The following ARHGAP24 variants were observed in gnomAD, a reference collection of about 807,000 sequenced individuals.
ARHGAP24 encodes the protein Rho GTPase activating protein 24.
Under a neutral mutation model 76.4 loss-of-function variants are expected in ARHGAP24, and 50 were observed. That is an observed-to-expected ratio of 0.65 (90% confidence interval 0.52 to 0.83). The LOEUF is 0.83. Among genes scored for constraint, ARHGAP24 ranks in the 40% least tolerant of loss-of-function variants. The pLI, the probability that ARHGAP24 is intolerant of heterozygous loss-of-function variation, is 0.00. For missense variants in ARHGAP24, 930 were observed against 914.2 expected (o/e 1.02, Z -0.22); for synonymous variants, 345 against 323.3 (o/e 1.07, Z -0.72).
At chr4:85,592,051 A>G (rs1015142707) in intron 2 of ARHGAP24, among the ~76,000 whole-genome samples, 1 of 152,096 alleles carries the variant, frequency 6.6e-6, no homozygotes, top group African/African-American at 2.4e-5. Context: ...CTTGGGCTGG[A>G]TTTGTCAGAT....
chr4:85,733,060 C>CTTTTTTTATTTTTTTTTTTTTTTTTT (rs1725470913), intron 3 of ARHGAP24, among the ~76,000 whole-genome samples: 1 of 55,206 alleles, frequency 1.8e-5, no homozygotes, highest in Admixed American at 3.9e-4. Flanking sequence ...GCCTCACCAA[C>CTTTTTTTATTTTTTTTTTTTTTTTTT]TTTTTTTTTT....
chr4:85,536,017 G>A (rs761406203), intron 1 of ARHGAP24, among the ~76,000 whole-genome samples: 1 of 152,024 alleles, frequency 6.6e-6, no homozygotes, highest in Admixed American at 6.6e-5. Flanking sequence ...TACATCGCTG[G>A]TGTTTAACTT....
chr4:85,814,100 T>TG (rs1252830062), intron 3 of ARHGAP24, among the ~76,000 whole-genome samples: 1 of 151,952 alleles, frequency 6.6e-6, no homozygotes, highest in Non-Finnish European at 1.5e-5. Context: ...GAGAACAGCA[T>TG]GGGGGAAACC....
At chr4:85,735,188 A>C (rs1725560375) in intron 3 of ARHGAP24, among the ~76,000 whole-genome samples, 1 of 152,194 alleles carries the variant, frequency 6.6e-6, no homozygotes, top group Non-Finnish European at 1.5e-5. Flanking sequence ...TTCATTTAAA[A>C]AGCAAATGAA....
At chr4:85,750,369 T>C (rs550828473) in intron 3 of ARHGAP24, among the ~76,000 whole-genome samples, 22 of 151,806 alleles carry the variant, frequency 1.4e-4, no homozygotes, top group African/African-American at 5.1e-4. Flanking sequence ...CCCAGGAGAC[T>C]GGGAGGGTCA....
At chr4:85,543,287 A>G (rs182956744) in intron 1 of ARHGAP24, among the ~76,000 whole-genome samples, 39 of 152,330 alleles carry the variant, frequency 2.6e-4, no homozygotes, top group African/African-American at 7.7e-4. Flanking sequence ...TTTCAGAAGT[A>G]TCGGCCTGGT....
intron 3 of ARHGAP24, among the ~76,000 whole-genome samples, chr4:85,860,380 C>A (rs1407092000): frequency 1.3e-5 from 2 of 152,048 alleles, no homozygotes; most frequent in Admixed American, 6.6e-5. Context: ...CTCCAAAGAC[C>A]AAATGCTAAA....
At chr4:85,803,097 T>C (rs1463676541) in intron 3 of ARHGAP24, among the ~76,000 whole-genome samples, 1 of 152,226 alleles carries the variant, frequency 6.6e-6, no homozygotes, top group African/African-American at 2.4e-5. Context: ...AAATGATATA[T>C]TAAGGTATAT....
chr4:85,950,545 T>C (rs1737550926), intron 5 of ARHGAP24, among the ~76,000 whole-genome samples: 1 of 152,120 alleles, frequency 6.6e-6, no homozygotes, highest in African/African-American at 2.4e-5. Flanking sequence ...AGGAGGTCAC[T>C]GTGACAGGAA....
At chr4:85,617,821 A>T (rs1181021391) in intron 2 of ARHGAP24, among the ~76,000 whole-genome samples, 1 of 152,010 alleles carries the variant, frequency 6.6e-6, no homozygotes, top group African/African-American at 2.4e-5. Context: ...AATGTATAAG[A>T]GTATCTTTTT....
chr4:85,845,320 A>G (rs2110154029), intron 3 of ARHGAP24, among the ~76,000 whole-genome samples: 1 of 152,282 alleles, frequency 6.6e-6, no homozygotes, highest in South Asian at 2.1e-4. Context: ...GTATGTCTTT[A>G]CTTACAATAG....
At chr4:85,769,580 C>T (rs1005379212) in intron 3 of ARHGAP24, among the ~76,000 whole-genome samples, 3 of 151,688 alleles carry the variant, frequency 2.0e-5, no homozygotes, top group African/African-American at 7.3e-5. Flanking sequence ...CTTGATATCT[C>T]GATGGATACA....
At chr4:85,971,426 A>T (rs1192727696) in intron 5 of ARHGAP24, among the ~76,000 whole-genome samples, 1 of 152,130 alleles carries the variant, frequency 6.6e-6, no homozygotes. Context: ...TCAAATACAC[A>T]TAAAGAAAAA....
intron 3 of ARHGAP24, among the ~76,000 whole-genome samples, chr4:85,742,140 C>T (rs190997850): frequency 6.6e-6 from 1 of 152,252 alleles, no homozygotes; most frequent in East Asian, 1.9e-4. Flanking sequence ...CACCATCTGC[C>T]ACTGTTTGGC....
chr4:85,546,475 A>G (rs1409966364), intron 1 of ARHGAP24, among the ~76,000 whole-genome samples: 1 of 152,236 alleles, frequency 6.6e-6, no homozygotes, highest in African/African-American at 2.4e-5. Flanking sequence ...TAATCATATT[A>G]CCTGTGGAAG....
chr4:85,794,779 C>T (rs1322120504), intron 3 of ARHGAP24, among the ~76,000 whole-genome samples: 1 of 152,238 alleles, frequency 6.6e-6, no homozygotes, highest in Non-Finnish European at 1.5e-5. Context: ...CTGCACCCGA[C>T]CTGCAAATCC....
chr4:85,828,643 A>G (rs545680559), intron 3 of ARHGAP24, among the ~76,000 whole-genome samples: 1 of 152,146 alleles, frequency 6.6e-6, no homozygotes, highest in Non-Finnish European at 1.5e-5. Context: ...GTAACCTTAC[A>G]TTCTGTGTAC....
intron 3 of ARHGAP24, among the ~76,000 whole-genome samples, chr4:85,756,192 A>C (rs192573983): frequency 2.0e-5 from 1 of 50,852 alleles, no homozygotes; most frequent in African/African-American, 3.9e-5. Flanking sequence ...TGCCCATTTG[A>C]TTGTTTCTTA....
intron 1 of ARHGAP24, among the ~76,000 whole-genome samples, chr4:85,539,287 G>A (rs1256683634): frequency 1.3e-5 from 2 of 152,092 alleles, no homozygotes; most frequent in Admixed American, 1.3e-4. Flanking sequence ...CTTTACTAGA[G>A]AAATAAAAGG....
Sources: gnomAD v4.1 joint callset for allele counts (sites outside exome capture counted in the v4.1 genomes callset) on GRCh38, gnomAD v4.1.1 for gene constraint, MANE v1.5 for transcripts, NCBI Gene and HGNC (gene_info 2026-07-23, HGNC 2026-07-21) for gene names.